The following BCL2L13 variants were observed in gnomAD, a reference collection of about 807,000 sequenced individuals.
The protein encoded by BCL2L13 is BCL2 like 13.
BCL2L13 carries 13 observed loss-of-function variants against 25.8 expected under a neutral mutation model. That is an observed-to-expected ratio of 0.50 (90% CI 0.33 to 0.80). The LOEUF (loss-of-function observed/expected upper bound fraction) is 0.80. Among genes scored for constraint, BCL2L13 ranks in the 30% least tolerant of loss-of-function variants. The probability of loss-of-function intolerance (pLI) is 0.02; values close to 1 mark genes in which losing one functional copy is unlikely to be tolerated. For synonymous variants in BCL2L13, 244 were observed against 230.3 expected (o/e 1.06, Z -0.54); for missense variants, 504 against 574.9 (o/e 0.88, Z 1.26).
chr22:17,672,716 A>T (rs1242603062), intron 2 of BCL2L13, among the ~76,000 whole-genome samples: 2 of 152,358 alleles, frequency 1.3e-5, no homozygotes, highest in East Asian at 3.9e-4. Context: ...GAAGTATGAC[A>T]ACTTGTCATG....
intron 1 of BCL2L13, among the ~76,000 whole-genome samples, chr22:17,631,741 G>C (rs2058034912): frequency 2.0e-5 from 1 of 50,582 alleles, no homozygotes; most frequent in Admixed American, 3.0e-4. Flanking sequence ...TTTTTTTTGA[G>C]ATGGAGTTTC....
chr22:17,712,516 C>G (rs1038205924), intron 6 of BCL2L13, among the ~76,000 whole-genome samples: 6 of 152,168 alleles, frequency 3.9e-5, no homozygotes, highest in Non-Finnish European at 8.8e-5. Flanking sequence ...TAAAATTACT[C>G]TGTACCTGAG....
At chr22:17,725,877 G>A (rs1008079480) in intron 6 of BCL2L13, among the ~76,000 whole-genome samples, 5 of 150,288 alleles carry the variant, frequency 3.3e-5, no homozygotes, top group Non-Finnish European at 7.4e-5. Flanking sequence ...CATATAGCGT[G>A]AAGGTAATTT....
intron 2 of BCL2L13, among the ~76,000 whole-genome samples, chr22:17,680,740 A>G (rs1218473832): frequency 6.6e-6 from 1 of 152,024 alleles, no homozygotes; most frequent in Non-Finnish European, 1.5e-5. Context: ...ACACATGATC[A>G]GAAAGTGGCA....
chr22:17,714,588 A>G (rs2145778173), intron 6 of BCL2L13, among the ~76,000 whole-genome samples: 1 of 152,344 alleles, frequency 6.6e-6, no homozygotes, highest in East Asian at 1.9e-4. Context: ...CAGCTTAGGT[A>G]GCTTGGGGGG....
chr22:17,677,503 G>T (rs1021819405), intron 2 of BCL2L13, among the ~76,000 whole-genome samples: 5 of 151,448 alleles, frequency 3.3e-5, no homozygotes, highest in Admixed American at 3.3e-4. Context: ...AGGCCAAGGT[G>T]GGCGGCCTGC....
intron 1 of BCL2L13, among the ~76,000 whole-genome samples, chr22:17,633,200 A>C (rs2058057211): frequency 6.6e-6 from 1 of 152,220 alleles, no homozygotes; most frequent in Non-Finnish European, 1.5e-5. Context: ...AACAAATCGT[A>C]GGTATAGTTA....
rs1334111185 is a variant in BCL2L13 at position 17,655,816 on chromosome 22, T to C, written c.105T>C (p.His35=). The C allele has an allele frequency of 1.2e-6, 2 of 1,613,542 alleles. No homozygotes were observed. The highest frequency in any genetic ancestry group is 1.7e-6 in the Non-Finnish European group (2 of 1,179,734). The change falls in exon 2 of 7, where the codon CAT becomes CAC. Residue 35 remains histidine, a synonymous_variant. Coordinates refer to ENST00000317582, the MANE Select transcript of BCL2L13 (RefSeq NM_015367.4). ...CTCAAGAGAAGCTGCAAGAGCAACATCTTTCCTCACCCCAAGGTATTATCT... is the reference window on the plus strand; with the variant it reads ...CTCAAGAGAAGCTGCAAGAGCAACACCTTTCCTCACCCCAAGGTATTATCT... ...LLSQEKLQEQ[H]LSSPQGVQLD... is the part of the protein sequence containing the mutation.
chr22:17,726,520 G>T (rs1260179272), intron 6 of BCL2L13, among the ~76,000 whole-genome samples, 157 bp from the exon 7 acceptor site: 1 of 152,106 alleles, frequency 6.6e-6, no homozygotes, highest in African/African-American at 2.4e-5. Flanking sequence ...CTCTGCATTG[G>T]CCTACAAATA....
At chr22:17,646,950 TA>T (rs1333198585) in intron 1 of BCL2L13, among the ~76,000 whole-genome samples, 70 of 38,724 alleles carry the variant, frequency 1.8e-3, no homozygotes, top group African/African-American at 6.6e-3. Flanking sequence ...TATATATATA[TA>T]TATATTTTTT....
rs958135893 is a variant in BCL2L13 at position 17,729,326 on chromosome 22, T to G, written c.*1792T>G. On this transcript the variant is annotated 3_prime_UTR_variant, in exon 7 of 7. Coordinates refer to ENST00000317582, the MANE Select transcript of BCL2L13 (RefSeq NM_015367.4). The stretch of plus-strand genomic sequence containing the variant: ...CATTTAGGGAGTGATGTTTTAAGGG[T>G]TTTTGTGTACTTGGATTAAGTAATT... The G allele has an allele frequency of 6.6e-6, 1 of 152,040 alleles. No individual in the cohort carries two copies. Among genetic ancestry groups the G allele is most frequent in the Non-Finnish European group, 1.5e-5 (1 of 68,002 alleles). The allele number at this position is 152,040 out of a possible 1,614,324, so 9.4% of individuals were successfully genotyped here.
chr22:17,650,532 A>G (rs1449355988), intron 1 of BCL2L13, among the ~76,000 whole-genome samples: 4 of 152,120 alleles, frequency 2.6e-5, no homozygotes, highest in Non-Finnish European at 4.4e-5. Flanking sequence ...AGCACTGAGA[A>G]TCACTGCTGC....
intron 1 of BCL2L13, among the ~76,000 whole-genome samples, chr22:17,647,177 T>C (rs1297500142): frequency 6.6e-6 from 1 of 151,508 alleles, no homozygotes; most frequent in African/African-American, 2.4e-5. Context: ...GGTTTCACCG[T>C]GTTAGCCAGG....
intron 3 of BCL2L13, 65 bp downstream of exon 3, chr22:17,683,386 T>A: frequency 2.1e-6 from 2 of 969,408 alleles, no homozygotes; most frequent in Non-Finnish European, 3.1e-6. Flanking sequence ...ACTGTTGGTT[T>A]AATTTGATTT....
intron 1 of BCL2L13, among the ~76,000 whole-genome samples, chr22:17,647,990 C>G (rs2058552784): frequency 6.6e-6 from 1 of 151,954 alleles, no homozygotes; most frequent in Non-Finnish European, 1.5e-5. Context: ...ATTATCCGGG[C>G]TTGGTGGCAC....
chr22:17,702,641 A>AATT (rs1568992616), intron 6 of BCL2L13: 1 of 285,298 alleles, frequency 3.5e-6, no homozygotes, highest in Non-Finnish European at 6.4e-6. Context: ...TTTGATATGT[A>AATT]ATTATTATTA....
chr22:17,670,139 T>C (rs1366836688), intron 2 of BCL2L13, among the ~76,000 whole-genome samples: 1 of 152,188 alleles, frequency 6.6e-6, no homozygotes, highest in African/African-American at 2.4e-5. Flanking sequence ...CCTGTTGTTA[T>C]ACCATACTAT....
chr22:17,683,180 C>A, intron 2 of BCL2L13, 34 bp from the exon 3 acceptor site: 2 of 1,218,488 alleles, frequency 1.6e-6, no homozygotes, highest in Non-Finnish European at 2.4e-6. Context: ...TTCTCTCTCC[C>A]TCTTTCAATA....
At chr22:17,710,162 C>T (rs1306614839) in intron 6 of BCL2L13, among the ~76,000 whole-genome samples, 1 of 146,500 alleles carries the variant, frequency 6.8e-6, no homozygotes, top group Non-Finnish European at 1.5e-5. Flanking sequence ...GTAATCTGTT[C>T]TTTCTTGTAA....
Sources: allele counts gnomAD v4.1 joint callset (sites outside exome capture counted in the v4.1 genomes callset), GRCh38; gene constraint gnomAD v4.1.1; transcripts MANE v1.5; gene names NCBI Gene and HGNC (gene_info 2026-07-23, HGNC 2026-07-21).